Variants in MECR observed in about 807,000 individuals in gnomAD.
MECR encodes the protein mitochondrial trans-2-enoyl-CoA reductase.
A neutral mutation model predicts 49.1 loss-of-function variants in MECR; 37 were observed. That is an observed-to-expected ratio of 0.75 (90% CI 0.58 to 0.99). The LOEUF is 0.99. Ranked by LOEUF, MECR falls within the 50% of genes least tolerant of loss-of-function variation. MECR has a pLI of 0.00. For synonymous variants in MECR, 198 were observed against 191.1 expected, an observed-to-expected ratio of 1.04 and a Z score of -0.30; for missense variants, 470 against 479.6, an observed-to-expected ratio of 0.98 and a Z score of 0.19.
rs1425290836 is a variant in MECR at position 29,193,778 on chromosome 1, T to C, written c.*244A>G. On this transcript the variant is annotated 3_prime_UTR_variant, in exon 10 of 10. Coordinates refer to ENST00000263702, the MANE Select transcript of MECR (RefSeq NM_016011.5). ...CCTCTTGGTGCTGTGAGCTGACCAGTGCACAGTGTTGGTCCTTCTCGACAG... is the reference window on the plus strand; with the variant it reads ...CCTCTTGGTGCTGTGAGCTGACCAGCGCACAGTGTTGGTCCTTCTCGACAG... 8.0e-6 allele frequency: 4 copies of C among 497,838 alleles called. No individual in the cohort carries two copies. The highest frequency in any genetic ancestry group is 7.8e-5 in the African/African-American group (4 of 51,154). The allele number at this position is 497,838 out of a possible 1,614,324, so 30.8% of individuals were successfully genotyped here. A position where few individuals can be genotyped will look rare whatever the true frequency, so the allele number is the denominator to read the frequency against.
intron 3 of MECR, among the ~76,000 whole-genome samples, chr1:29,214,896 C>A (rs1200448702): frequency 6.6e-6 from 1 of 152,144 alleles, no homozygotes; most frequent in African/African-American, 2.4e-5. Flanking sequence ...AACAGACGTG[C>A]CTTGAAAACT....
downstream of MECR, among the ~76,000 whole-genome samples, chr1:29,189,100 C>T (rs755104397): frequency 3.9e-5 from 6 of 151,962 alleles, no homozygotes; most frequent in South Asian, 2.1e-4. Flanking sequence ...CCACCACTCC[C>T]GGCTAATTTT....
At chr1:29,222,980 T>C (rs1296958069) in intron 1 of MECR, among the ~76,000 whole-genome samples, 1 of 152,236 alleles carries the variant, frequency 6.6e-6, no homozygotes, top group Non-Finnish European at 1.5e-5. Context: ...CAAGTCTGAA[T>C]TCCAAGAGTT....
intron 2 of MECR, 139 bp downstream of exon 2, chr1:29,216,449 C>A: frequency 1.1e-6 from 1 of 927,850 alleles, no homozygotes; most frequent in Non-Finnish European, 1.7e-6. Context: ...ACAGGGCTGA[C>A]ACAGCCTGCA....
chr1:29,169,816 CATT>C, the MECR span: 11 of 152,286 alleles, frequency 7.2e-5, no homozygotes, highest in South Asian at 2.3e-3. Context: ...ACAGAACAAT[CATT>C]ATCCTAAACA....
Position 29,194,199 on chromosome 1 carries a change from ATCAGACAAGAG to A in MECR, c.965-31_965-21del. ...ACTGGTCTGCGGGAGGTTGGAGGAAATCAGACAAGAGAACAGCAGCTGGGGCTTGGTGAGAT... is the reference window on the plus strand; with the variant it reads ...ACTGGTCTGCGGGAGGTTGGAGGAAAAACAGCAGCTGGGGCTTGGTGAGAT... On this transcript the variant is annotated intron_variant, in intron 9 of 9. Coordinates refer to ENST00000263702, the MANE Select transcript of MECR (RefSeq NM_016011.5). The A allele has an allele frequency of 6.3e-7, 1 of 1,586,044 alleles. No homozygotes were observed. The highest frequency in any genetic ancestry group is 8.6e-7 in the Non-Finnish European group (1 of 1,166,284).
chr1:29,193,862 G>T lies in MECR; in HGVS notation c.*160C>A. Reference sequence around the variant, plus strand: ...GACTTTATTAGATACCTTAAGGCTGGCCCTGGGGAAAACCGTGGCTGGCTT... The same window carrying T: ...GACTTTATTAGATACCTTAAGGCTGTCCCTGGGGAAAACCGTGGCTGGCTT... On this transcript the variant is annotated 3_prime_UTR_variant, in exon 10 of 10. Coordinates refer to ENST00000263702, the MANE Select transcript of MECR (RefSeq NM_016011.5). 1 of 799,682 alleles carries T rather than the reference G, an allele frequency of 1.3e-6. No individual in the cohort carries two copies. The allele number at this position is 799,682 out of a possible 1,614,324, so 49.5% of individuals were successfully genotyped here.
intron 4 of MECR, among the ~76,000 whole-genome samples, chr1:29,205,691 A>T (rs1315483947): frequency 6.6e-6 from 1 of 151,904 alleles, no homozygotes; most frequent in African/African-American, 2.4e-5. Context: ...TTAGCCAGGC[A>T]TGGTGGCAGG....
At chr1:29,204,144 G>A (rs1675984121) in intron 4 of MECR, among the ~76,000 whole-genome samples, 1 of 152,042 alleles carries the variant, frequency 6.6e-6, no homozygotes, top group Admixed American at 6.6e-5. Flanking sequence ...GCTTGAACCC[G>A]GGAGGTGGAG....
downstream of MECR, among the ~76,000 whole-genome samples, chr1:29,189,554 G>A (rs1673084383): frequency 6.6e-6 from 1 of 152,230 alleles, no homozygotes; most frequent in Non-Finnish European, 1.5e-5. Flanking sequence ...GTAAAGTAGA[G>A]AAGAGAGGAT....
At chr1:29,209,552 C>T (rs1205287856) in intron 3 of MECR, among the ~76,000 whole-genome samples, 1 of 152,124 alleles carries the variant, frequency 6.6e-6, no homozygotes, top group Non-Finnish European at 1.5e-5. Context: ...GCTGCCTAGT[C>T]TGGGACTTTG....
chr1:29,189,367 G>C (rs1673080096), downstream of MECR, among the ~76,000 whole-genome samples: 1 of 150,336 alleles, frequency 6.7e-6, no homozygotes, highest in Non-Finnish European at 1.5e-5. Context: ...CCACACCCAG[G>C]CAATTTTCGT....
In MECR at chr1:29,223,079, T is replaced by C. The variant is rs530041757; in HGVS notation, c.177-6394A>G. 1.2e-5 allele frequency: 12 copies of C among 985,184 alleles called. No homozygotes were observed. In the East Asian group the frequency reaches 7.9e-4, roughly 65 times the overall value. 61.0% of individuals were successfully genotyped at this position (985,184 alleles called of 1,614,324 possible). A position where few individuals can be genotyped will look rare whatever the true frequency, so the allele number is the denominator to read the frequency against. On this transcript the variant is annotated intron_variant, in intron 1 of 9. Transcript: ENST00000263702. ...CACCAAAGGAAACAGTGGCTATGTT[T>C]TGGAGTACAAATGAGGCACCCAACC...
At chr1:29,190,609 C>A (rs576980349), downstream of MECR, among the ~76,000 whole-genome samples, 2 of 152,050 alleles carry the variant, frequency 1.3e-5, no homozygotes, top group Admixed American at 1.3e-4. Flanking sequence ...GCCTGTCCAA[C>A]ATGGTGAAAC....
In MECR at chr1:29,216,603, T is replaced by A. The variant is rs754149483; in HGVS notation, c.259A>T (p.Ile87Leu). 4.8e-5 allele frequency: 77 copies of A among 1,614,156 alleles called. No individual in the cohort carries two copies. Among genetic ancestry groups the A allele is most frequent in the Non-Finnish European group, 6.4e-5 (76 of 1,180,014 alleles). The change falls in exon 2 of 10, where the codon ATA becomes TTA. Residue 87 changes from isoleucine (I) to leucine (L), a missense_variant. By Grantham distance (5) the Ile-to-Leu change is conservative (BLOSUM62 2). Transcript: ENST00000263702. ...MLAAPINPSD[I>L]NMIQGNYGFL... is the part of the protein sequence containing the mutation. Reference sequence around the variant, plus strand: ...CCAAGGTTACCTTGGATCATATTTATGTCAGATGGATTGATAGGGGCCGCC... The same window carrying A: ...CCAAGGTTACCTTGGATCATATTTAAGTCAGATGGATTGATAGGGGCCGCC...
chr1:29,198,383 A>G (rs534027344), intron 7 of MECR, among the ~76,000 whole-genome samples: 34 of 152,352 alleles, frequency 2.2e-4, no homozygotes, highest in African/African-American at 8.2e-4. Context: ...CTAACTTTCC[A>G]CAGGCCCACA....
chr1:29,220,870 C>T, intron 1 of MECR: 1 of 977,982 alleles, frequency 1.0e-6, no homozygotes, highest in Non-Finnish European at 1.2e-6. Flanking sequence ...CAGCTGTTAT[C>T]AGTTGTAGGA....
At chr1:29,221,565 G>A (rs1221097696) in intron 1 of MECR, among the ~76,000 whole-genome samples, 5 of 152,182 alleles carry the variant, frequency 3.3e-5, no homozygotes, top group South Asian at 2.1e-4. Flanking sequence ...TTAAATAAGC[G>A]ACACTAATGT....
intron 1 of MECR, among the ~76,000 whole-genome samples, chr1:29,220,422 C>A (rs1304168449): frequency 6.6e-6 from 1 of 151,964 alleles, no homozygotes; most frequent in Non-Finnish European, 1.5e-5. Context: ...AAGTGCCAGT[C>A]ATTTAGGAAA....
Sources: gnomAD v4.1 joint callset for allele counts (sites outside exome capture counted in the v4.1 genomes callset) on GRCh38, gnomAD v4.1.1 for gene constraint, MANE v1.5 for transcripts, NCBI Gene and HGNC (gene_info 2026-07-23, HGNC 2026-07-21) for gene names.